UTS2: variants seen among roughly 807,000 people sequenced by gnomAD.
UTS2 encodes the protein urotensin 2.
Under a neutral mutation model 12.6 loss-of-function variants are expected in UTS2, and 10 were observed. The ratio of observed to expected loss-of-function variants is 0.80; its 90% CI spans 0.49 to 1.35. The LOEUF is 1.35. Ranked by LOEUF, UTS2 falls within the 40% of genes most tolerant of loss-of-function variation. The pLI, the probability that UTS2 is intolerant of heterozygous loss-of-function variation, is 0.00. For synonymous variants in UTS2, 52 were observed against 50.0 expected, an observed-to-expected ratio of 1.04 and a Z score of -0.17; for missense variants, 142 against 143.2, an observed-to-expected ratio of 0.99 and a Z score of 0.04.
chr1:7,852,627 A>T (rs544362262), intron 1 of UTS2, among the ~76,000 whole-genome samples: 12 of 152,346 alleles, frequency 7.9e-5, no homozygotes, highest in African/African-American at 2.6e-4. Context: ...GGAAAAATGT[A>T]TATATTACCC....
At chr1:7,863,108 G>GTATTGTATTGTATTGTATT in the UTS2 span, among the ~76,000 whole-genome samples, 2 of 134,966 alleles carry the variant, frequency 1.5e-5, no homozygotes, top group African/African-American at 6.0e-5. Context: ...GTATTGTATT[G>GTATTGTATTGTATTGTATT]TATTGTATTG....
upstream of UTS2, chr1:7,853,139 A>T: frequency 6.9e-7 from 1 of 1,458,648 alleles, no homozygotes; most frequent in East Asian, 2.5e-5. Context: ...AAAAAAAAAA[A>T]ATGAATTTAT....
the UTS2 span, among the ~76,000 whole-genome samples, chr1:7,858,551 C>T: frequency 7.2e-5 from 11 of 152,170 alleles, no homozygotes; most frequent in East Asian, 5.8e-4. Context: ...ACACGTTTGT[C>T]GTTGTATAAT....
upstream of UTS2, among the ~76,000 whole-genome samples, chr1:7,854,612 A>T (rs766841331): frequency 2.6e-5 from 4 of 152,032 alleles, no homozygotes; most frequent in Non-Finnish European, 5.9e-5. Flanking sequence ...GGTTAGGCAA[A>T]TATTTCTTAG....
At chr1:7,852,799 C>T (rs1383715179) in intron 1 of UTS2, 102 bp downstream of exon 1, 1 of 1,345,648 alleles carries the variant, frequency 7.4e-7, no homozygotes, top group Non-Finnish European at 1.0e-6. Context: ...AACAAGACTC[C>T]AGACTCCTTC....
the UTS2 span, among the ~76,000 whole-genome samples, chr1:7,861,041 CAAA>C: frequency 0.019 from 1,390 of 74,696 alleles, 11 homozygotes; most frequent in Non-Finnish European, 0.022. Context: ...GGCCTTATCT[CAAA>C]AAAAAAAAAA....
chr1:7,903,538 C>G, the UTS2 span, among the ~76,000 whole-genome samples: 1 of 151,862 alleles, frequency 6.6e-6, no homozygotes, highest in African/African-American at 2.4e-5. Context: ...TACAAGTTCC[C>G]GCCACCATCC....
At chr1:7,904,750 T>C in the UTS2 span, among the ~76,000 whole-genome samples, 1 of 151,500 alleles carries the variant, frequency 6.6e-6, no homozygotes, top group African/African-American at 2.4e-5. Context: ...ACTAAAAATA[T>C]AAAAATTAGC....
At chr1:7,847,912 A>AC (rs760331186) in intron 3 of UTS2, 30 bp from the exon 4 acceptor site, 2 of 1,419,528 alleles carry the variant, frequency 1.4e-6, no homozygotes, top group East Asian at 4.6e-5. Flanking sequence ...CAACAACAAC[A>AC]AAAAAAAACA....
the UTS2 span, among the ~76,000 whole-genome samples, chr1:7,864,096 T>G: frequency 0.023 from 3,432 of 152,324 alleles, 128 homozygotes; most frequent in African/African-American, 0.078. Flanking sequence ...CAGCCTGGAT[T>G]CAAGGGCTGG....
the UTS2 span, among the ~76,000 whole-genome samples, chr1:7,909,106 A>C: frequency 0.13 from 19,149 of 152,044 alleles, 3,965 homozygotes; most frequent in African/African-American, 0.43. Context: ...GGCTTATCTT[A>C]CATTGCGGAA....
chr1:7,869,623 C>T, the UTS2 span, among the ~76,000 whole-genome samples: 3 of 152,218 alleles, frequency 2.0e-5, no homozygotes, highest in Non-Finnish European at 4.4e-5. Context: ...ATCCTGGTGA[C>T]CTAGAAGGCT....
chr1:7,891,541 AAAGAAAG>A, the UTS2 span, among the ~76,000 whole-genome samples: 2 of 96,442 alleles, frequency 2.1e-5, no homozygotes, highest in African/African-American at 4.2e-5. Context: ...GAAAGAAAAG[AAAGAAAG>A]AAAGAAAGAA....
chr1:7,894,417 A>G, the UTS2 span, among the ~76,000 whole-genome samples: 3 of 151,354 alleles, frequency 2.0e-5, no homozygotes, highest in Admixed American at 6.6e-5. Flanking sequence ...CAAGTGATCC[A>G]CCCTCCTCGG....
At chr1:7,891,595 A>AGAAAGAAG in the UTS2 span, among the ~76,000 whole-genome samples, 1 of 151,036 alleles carries the variant, frequency 6.6e-6, no homozygotes, top group Non-Finnish European at 1.5e-5. Flanking sequence ...AAAGAAAGAA[A>AGAAAGAAG]GAAAATTGCC....
the UTS2 span, among the ~76,000 whole-genome samples, chr1:7,864,788 T>C: frequency 2.6e-5 from 4 of 152,208 alleles, no homozygotes; most frequent in Non-Finnish European, 5.9e-5. Flanking sequence ...TATTAATAAA[T>C]CCGTGTGCTT....
the UTS2 span, among the ~76,000 whole-genome samples, chr1:7,864,623 ATG>A: frequency 6.6e-6 from 1 of 152,148 alleles, no homozygotes; most frequent in Non-Finnish European, 1.5e-5. Flanking sequence ...AGACCATTGT[ATG>A]TTCTTCACGC....
the UTS2 span, among the ~76,000 whole-genome samples, chr1:7,903,855 G>A: frequency 6.6e-6 from 1 of 152,154 alleles, no homozygotes; most frequent in African/African-American, 2.4e-5. Context: ...CAGAATGTGA[G>A]AGCTTTCATC....
the UTS2 span, among the ~76,000 whole-genome samples, chr1:7,885,722 G>A: frequency 6.6e-6 from 1 of 152,034 alleles, no homozygotes; most frequent in African/African-American, 2.4e-5. Context: ...GGCGTGGCAA[G>A]GGAAGAATGG....
Sources: gnomAD v4.1 joint callset for allele counts (sites outside exome capture counted in the v4.1 genomes callset) on GRCh38, gnomAD v4.1.1 for gene constraint, MANE v1.5 for transcripts, NCBI Gene and HGNC (gene_info 2026-07-23, HGNC 2026-07-21) for gene names.